SRGAP2C: variants seen among roughly 807,000 people sequenced by gnomAD.
SRGAP2C encodes the protein SLIT-ROBO Rho GTPase-activating protein 2C.
A neutral mutation model predicts 25.1 loss-of-function variants in SRGAP2C; 15 were observed. The observed-to-expected ratio is 0.60, with a 90% CI of 0.40 to 0.92. The LOEUF is 0.92. SRGAP2C is among the 40% of genes least tolerant of loss of function. The pLI, the probability that SRGAP2C is intolerant of heterozygous loss-of-function variation, is 0.00. For missense variants in SRGAP2C, 144 were observed against 264.4 expected (o/e 0.54, Z 3.16); for synonymous variants, 44 against 96.6 (o/e 0.46, Z 3.19).
At position 121,388,779 on chromosome 1, in the gene SRGAP2C, TA is replaced by T. The variant is rs1411273413; in HGVS notation, c.*925del. 2.2e-5 allele frequency: 1 copy of T among 45,152 alleles called. No individual in the cohort carries two copies. Among genetic ancestry groups the T allele is most frequent in the African/African-American group, 8.9e-5 (1 of 11,220 alleles). 2.8% of individuals were successfully genotyped at this position (45,152 alleles called of 1,614,324 possible). On this transcript the variant is annotated 3_prime_UTR_variant, in exon 10 of 10. Coordinates refer to ENST00000367123, the MANE Select transcript of SRGAP2C (RefSeq NM_001329984.2). ...AGTAAGAACACTAATGATTTGCTAATATTTTTTAAAGAAATCTGTTTTTTTA... is the reference window on the plus strand; with the variant it reads ...AGTAAGAACACTAATGATTTGCTAATTTTTTTAAAGAAATCTGTTTTTTTA...
At position 121,191,479 on chromosome 1, in the gene SRGAP2C, A is replaced by G. The variant is rs587620312; in HGVS notation, c.67+3966A>G. ...TTCCCATTTGGTTGAATCTGCAGAT[A>G]TGGAACCTGCAGGTATGGGGAGGGC... is the stretch of plus-strand genomic sequence containing the variant. On this transcript the variant is annotated intron_variant, in intron 2 of 9. Transcript: ENST00000367123. 1.9e-4 allele frequency among the ~76,000 whole-genome samples: 28 copies of G among 149,118 alleles called. No individual in the cohort carries two copies. The South Asian group carries it at 5.7e-3, about 30-fold the overall frequency.
At chr1:121,255,510 T>A (rs1656438405) in intron 2 of SRGAP2C, among the ~76,000 whole-genome samples, 1 of 151,250 alleles carries the variant, frequency 6.6e-6, no homozygotes, top group Non-Finnish European at 1.5e-5. Flanking sequence ...CAAGAGATAC[T>A]TTTATTCCTA....
chr1:121,282,752 G>A (rs1329692548), intron 2 of SRGAP2C, among the ~76,000 whole-genome samples: 2 of 144,386 alleles, frequency 1.4e-5, no homozygotes, highest in African/African-American at 5.1e-5. Flanking sequence ...TAGAGACAGG[G>A]TTTCACCATG....
At chr1:121,257,941 G>T (rs1356225080) in intron 2 of SRGAP2C, among the ~76,000 whole-genome samples, 1 of 144,952 alleles carries the variant, frequency 6.9e-6, no homozygotes, top group Non-Finnish European at 1.5e-5. Context: ...TATAAAACTT[G>T]GTTGTTGTTT....
intron 2 of SRGAP2C, among the ~76,000 whole-genome samples, chr1:121,204,708 A>C (rs1460522394): frequency 6.6e-6 from 1 of 152,072 alleles, no homozygotes; most frequent in Non-Finnish European, 1.5e-5. Flanking sequence ...GATTTAGTTT[A>C]TCATCTTACT....
In SRGAP2C at chr1:121,199,544, A is replaced by G; in HGVS notation, c.67+12031A>G. On this transcript the variant is annotated intron_variant, in intron 2 of 9. Transcript: ENST00000367123. ...GGTGGCTCAAGCCTGTAATCCCAGC[A>G]CTTTGGGAGGCCGAGGCAGGCAGAT... Among the ~76,000 whole-genome samples, 2 of 77,554 alleles carry G rather than the reference A, an allele frequency of 2.6e-5. 1 individual carries two copies. The highest frequency in any genetic ancestry group is 1.3e-4 in the African/African-American group (2 of 15,992). 50.9% of individuals were successfully genotyped at this position (77,554 alleles called of 152,430 possible).
intron 2 of SRGAP2C, among the ~76,000 whole-genome samples, chr1:121,201,619 C>A (rs1654980358): frequency 6.6e-6 from 1 of 152,248 alleles, no homozygotes; most frequent in Admixed American, 6.5e-5. Flanking sequence ...ACCATACACA[C>A]AAATACTCTA....
intron 5 of SRGAP2C, among the ~76,000 whole-genome samples, chr1:121,369,550 G>C (rs1659429249): frequency 6.6e-6 from 1 of 152,020 alleles, no homozygotes. Flanking sequence ...TGCTGGCAGA[G>C]CTACTTCAGA....
chr1:121,260,247 A>G (rs1211738446), intron 2 of SRGAP2C, among the ~76,000 whole-genome samples: 8 of 151,078 alleles, frequency 5.3e-5, no homozygotes, highest in Admixed American at 1.3e-4. Flanking sequence ...CAAAAATTTA[A>G]AGGAGGTAAG....
intron 2 of SRGAP2C, among the ~76,000 whole-genome samples, chr1:121,270,478 T>A (rs1157665554): frequency 7.8e-6 from 1 of 128,268 alleles, no homozygotes; most frequent in African/African-American, 3.0e-5. Flanking sequence ...ATTCACAGAT[T>A]TAGTTCTCTG....
At chr1:121,264,092 T>A (rs1445673196) in intron 2 of SRGAP2C, among the ~76,000 whole-genome samples, 1 of 151,870 alleles carries the variant, frequency 6.6e-6, no homozygotes, top group African/African-American at 2.4e-5. Context: ...CACACAGTGA[T>A]TCTGGGGCTG....
chr1:121,313,825 G>A lies in SRGAP2C; in HGVS notation c.261-10653G>A, dbSNP rs1345119216. On this transcript the variant is annotated intron_variant, in intron 3 of 9. Transcript: ENST00000367123. ...TAGTCTGATGGGCTTCCCTTTGAGG[G>A]TAACCCGACCTTTCTCTCTGGCTGC... 4.6e-3 allele frequency among the ~76,000 whole-genome samples: 609 copies of A among 132,592 alleles called. 3 individuals carry two copies. Among genetic ancestry groups the A allele is most frequent in the African/African-American group, 0.017 (594 of 35,364 alleles). 87.0% of individuals were successfully genotyped at this position (132,592 alleles called of 152,430 possible).
chr1:121,221,710 CAAAAA>C (rs782207301), intron 2 of SRGAP2C, among the ~76,000 whole-genome samples: 1 of 21,622 alleles, frequency 4.6e-5, no homozygotes, highest in Non-Finnish European at 7.3e-5. Flanking sequence ...GACAACGTCT[CAAAAA>C]AAAAAAAAAA....
intron 4 of SRGAP2C, among the ~76,000 whole-genome samples, chr1:121,357,005 C>G (rs1659079037): frequency 6.6e-6 from 1 of 150,938 alleles, no homozygotes; most frequent in Non-Finnish European, 1.5e-5. Flanking sequence ...AACTCCCACC[C>G]TTGTCCCGAG....
chr1:121,309,483 T>C (rs1657931515), intron 3 of SRGAP2C, among the ~76,000 whole-genome samples: 1 of 145,804 alleles, frequency 6.9e-6, no homozygotes, highest in Non-Finnish European at 1.5e-5. Context: ...GCAGGTTAGT[T>C]ACATATGTAT....
intron 2 of SRGAP2C, among the ~76,000 whole-genome samples, chr1:121,206,141 C>A (rs1570703605): frequency 6.6e-6 from 1 of 151,594 alleles, no homozygotes; most frequent in East Asian, 2.0e-4. Context: ...GCTTACCGCT[C>A]CTGCATCACT....
rs1372390268 is a variant in SRGAP2C at position 121,225,985 on chromosome 1, G to T, written c.67+38472G>T. Among the ~76,000 whole-genome samples the T allele has an allele frequency of 3.3e-5, 5 of 151,264 alleles. No individual in the cohort carries two copies. In the East Asian group the frequency reaches 7.9e-4, roughly 24 times the overall value. On this transcript the variant is annotated intron_variant, in intron 2 of 9. Coordinates refer to ENST00000367123, the MANE Select transcript of SRGAP2C (RefSeq NM_001329984.2). ...CTCCCAAAGTGCTGGGATTACAGGT[G>T]TGAGCCACCACGCCCGGCAAAACAG...
chr1:121,291,017 G>A, intron 3 of SRGAP2C, among the ~76,000 whole-genome samples: 1 of 127,636 alleles, frequency 7.8e-6, no homozygotes, highest in Non-Finnish European at 1.7e-5. Flanking sequence ...CAGCATTTTA[G>A]TGGGTCCTCT....
At chr1:121,328,873 C>T (rs1458674870) in intron 4 of SRGAP2C, among the ~76,000 whole-genome samples, 2 of 143,626 alleles carry the variant, frequency 1.4e-5, no homozygotes, top group Non-Finnish European at 3.0e-5. Flanking sequence ...AGTAACAGAG[C>T]CAGACCCTGT....
Sources: allele counts gnomAD v4.1 joint callset (sites outside exome capture counted in the v4.1 genomes callset), GRCh38; gene constraint gnomAD v4.1.1; transcripts MANE v1.5; gene names NCBI Gene and HGNC (gene_info 2026-07-23, HGNC 2026-07-21).